ERBB3: variants seen among roughly 807,000 people sequenced by gnomAD.
ERBB3 encodes erb-b2 receptor tyrosine kinase 3, also known as receptor tyrosine-protein kinase erbB-3.
A neutral mutation model predicts 156.7 loss-of-function variants in ERBB3; 96 were observed. The ratio of observed to expected loss-of-function variants is 0.61; its 90% confidence interval spans 0.52 to 0.73. The LOEUF is 0.73. Among genes scored for constraint, ERBB3 ranks in the 30% least tolerant of loss-of-function variants. ERBB3 has a pLI of 0.00. For synonymous variants in ERBB3, 567 were observed against 632.0 expected, an observed-to-expected ratio of 0.90 and a Z score of 1.54; for missense variants, 1,406 against 1,709.4, an observed-to-expected ratio of 0.82 and a Z score of 3.13.
Position 56,080,351 on chromosome 12 carries a change from C to A in ERBB3, c.51C>A (p.Ala17=). The A allele has an allele frequency of 6.3e-7, 1 of 1,594,014 alleles. No homozygotes were observed. The change falls in exon 1 of 28, where the codon GCC becomes GCA. Residue 17 remains alanine, a synonymous_variant. Coordinates refer to ENST00000267101, the MANE Select transcript of ERBB3 (RefSeq NM_001982.4). ...LQVLGLLFSL[A]RGSEVGNSQA... ...TGCTGGGCTTGCTTTTCAGCCTGGC[C>A]CGGGGCTCCGAGGTGGGCAACTCTC...
Position 56,093,825 on chromosome 12 carries a change from T to C in ERBB3, c.1542T>C (p.Pro514=), listed in dbSNP as rs1454253828. Residue 514 remains proline (P), a synonymous_variant, in exon 13 of 28, where the codon CCT becomes CCC. Coordinates refer to ENST00000267101, the MANE Select transcript of ERBB3 (RefSeq NM_001982.4). ...CTGGGGGATGCTGGGGCCCAGGCCCTGGTCAGTGCTTGTCCTGTCGAAATT... is the reference window on the plus strand; with the variant it reads ...CTGGGGGATGCTGGGGCCCAGGCCCCGGTCAGTGCTTGTCCTGTCGAAATT... ...CSSGGCWGPG[P]GQCLSCRNYS... The C allele has an allele frequency of 1.2e-6, 2 of 1,613,698 alleles. No homozygotes were observed. Among genetic ancestry groups the C allele is most frequent in the Non-Finnish European group, 1.7e-6 (2 of 1,179,908 alleles).
intron 2 of ERBB3, among the ~76,000 whole-genome samples, chr12:56,084,278 A>C (rs1444915929): frequency 6.6e-6 from 1 of 152,284 alleles, no homozygotes; most frequent in East Asian, 1.9e-4. Context: ...GTGACACAGC[A>C]GTGTGACACA....
intron 9 of ERBB3, among the ~76,000 whole-genome samples, chr12:56,091,330 A>AACATATATATATATTTATAT (rs1565858606): frequency 2.4e-4 from 1 of 4,202 alleles, no homozygotes; most frequent in East Asian, 4.9e-3. Flanking sequence ...TATATATATA[A>AACATATATATATATTTATAT]ATAATATATA....
rs60865127 is a variant in ERBB3 at position 56,092,389 on chromosome 12, CAAAAAAAAAAAAAAAAAAA to C, written c.1110-345_1110-327del. On this transcript the variant is annotated intron_variant, in intron 9 of 27. Transcript: ENST00000267101. ...TGGGCGATAGAGCAAGACTCTGTCT[CAAAAAAAAAAAAAAAAAAA>C]AAAAAAAAAAAAGGTCTTCCTTTCC... Among the ~76,000 whole-genome samples, 11 of 42,850 alleles carry C rather than the reference CAAAAAAAAAAAAAAAAAAA, an allele frequency of 2.6e-4. No homozygotes were observed. In the Admixed American group the frequency reaches 3.1e-3, roughly 12 times the overall value. 28.1% of individuals were successfully genotyped at this position (42,850 alleles called of 152,430 possible).
chr12:56,093,731 G>T, intron 12 of ERBB3, 33 bp from the exon 13 acceptor site: 1 of 1,613,654 alleles, frequency 6.2e-7, no homozygotes, highest in South Asian at 1.1e-5. Flanking sequence ...GGAGTCCTCA[G>T]ACTCCTCTCC....
intron 2 of ERBB3, 151 bp downstream of exon 2, chr12:56,084,053 TG>T (rs1868396633): frequency 2.4e-6 from 2 of 821,312 alleles, no homozygotes; most frequent in Non-Finnish European, 4.1e-6. Context: ...ATGGGGACAG[TG>T]GCTGTCATCT....
At position 56,101,835 on chromosome 12, in the gene ERBB3, G is replaced by A; in HGVS notation, c.3809G>A (p.Gly1270Asp). ...TATATGAATCGGCAACGAGATGGAG[G>A]TGGTCCTGGGGGTGATTATGCAGCC... ...YEYMNRQRDG[G>D]GPGGDYAAMG... is the part of the protein sequence containing the mutation. The change falls in exon 28 of 28, where the codon GGT becomes GAT. Residue 1270 changes from glycine (G) to aspartate (D), a missense_variant. Transcript: ENST00000267101. 5.0e-6 allele frequency: 8 copies of A among 1,613,302 alleles called. No individual in the cohort carries two copies. The highest frequency in any genetic ancestry group is 6.8e-6 in the Non-Finnish European group (8 of 1,179,860).
Position 56,087,607 on chromosome 12 carries a change from G to A in ERBB3, c.578G>A (p.Arg193Gln), listed in dbSNP as rs561743080. ...CCCTGTCATGAGGTTTGCAAGGGGC[G>A]ATGCTGGGGTCCTGGATCAGAAGAC... The part of the protein sequence containing the change: ...CPPCHEVCKG[R>Q]CWGPGSEDCQ... The change falls in exon 5 of 28, where the codon CGA (arginine) becomes CAA (glutamine). Residue 193 changes from arginine (R) to glutamine (Q), a missense_variant. Around this residue, in one of 3 missense-constraint regions of ERBB3, gnomAD observed 979 missense variants for 1,219.6 expected, o/e 0.80. Transcript: ENST00000267101. 1.2e-5 allele frequency: 19 copies of A among 1,614,172 alleles called. No individual in the cohort carries two copies. In the East Asian group the frequency reaches 1.3e-4, roughly 11 times the overall value.
chr12:56,101,846 G>A lies in ERBB3; in HGVS notation c.3820G>A (p.Gly1274Ser). 1 of 1,613,358 alleles carries A rather than the reference G, an allele frequency of 6.2e-7. No individual in the cohort carries two copies. Among genetic ancestry groups the A allele is most frequent in the Non-Finnish European group, 8.5e-7 (1 of 1,179,858 alleles). ...NRQRDGGGPGGDYAAMGACPA... is the reference protein window; with the variant it reads ...NRQRDGGGPGSDYAAMGACPA... ...GCAACGAGATGGAGGTGGTCCTGGG[G>A]GTGATTATGCAGCCATGGGGGCCTG... The change falls in exon 28 of 28, where the codon GGT (glycine) becomes AGT (serine). Residue 1274 changes from glycine to serine, a missense_variant. Physicochemically the swap from Gly to Ser is moderately conservative, Grantham distance 56. Around this residue, in one of 3 missense-constraint regions of ERBB3, gnomAD observed 415 missense variants for 454.1 expected, o/e 0.91. Transcript: ENST00000267101.
At chr12:56,092,918 G>C in intron 10 of ERBB3, 68 bp from the exon 11 acceptor site, 1 of 1,541,182 alleles carries the variant, frequency 6.5e-7, no homozygotes, top group South Asian at 1.1e-5. Context: ...CAAGTTATAG[G>C]GGAGGAGCCA....
At chr12:56,089,092 G>T (rs1256335878) in intron 9 of ERBB3, 1 of 644,812 alleles carries the variant, frequency 1.6e-6, no homozygotes, top group South Asian at 1.5e-5. Flanking sequence ...CAAGGAACAA[G>T]GGACAGGAAC....
At chr12:56,094,237 T>C in intron 14 of ERBB3, 48 bp downstream of exon 14, 1 of 1,517,722 alleles carries the variant, frequency 6.6e-7, no homozygotes. Flanking sequence ...GAAGGGGCAA[T>C]ACTTGGAGCA....
chr12:56,080,417 C>G (rs774581725), intron 1 of ERBB3, 35 bp downstream of exon 1: 1 of 1,524,882 alleles, frequency 6.6e-7, no homozygotes, highest in South Asian at 1.2e-5. Context: ...GGCTCGGCAC[C>G]TGGGAGCCGG....
In ERBB3 at chr12:56,099,760, G is replaced by C; in HGVS notation, c.2937+15G>C. On this transcript the variant is annotated intron_variant, in intron 24 of 27. Coordinates refer to ENST00000267101, the MANE Select transcript of ERBB3 (RefSeq NM_001982.4). ...TGGTCATAAAGGTGAGTAGGGAGTA[G>C]GAGGTGCTAAGGAAATTTAGAAAAA... The C allele has an allele frequency of 6.2e-7, 1 of 1,613,232 alleles. No individual in the cohort carries two copies. Among genetic ancestry groups the C allele is most frequent in the Non-Finnish European group, 8.5e-7 (1 of 1,179,156 alleles).
intron 9 of ERBB3, chr12:56,089,094 G>A: frequency 3.1e-6 from 2 of 641,896 alleles, no homozygotes; most frequent in Middle Eastern, 2.5e-4. Context: ...AGGAACAAGG[G>A]ACAGGAACAA....
chr12:56,087,742 C>A, intron 5 of ERBB3, 53 bp from the exon 6 acceptor site: 2 of 1,590,526 alleles, frequency 1.3e-6, no homozygotes, highest in South Asian at 1.1e-5. Flanking sequence ...GAGCAGTGGC[C>A]TCAGAATTCA....
At chr12:56,087,164 A>G (rs1057102576) in intron 4 of ERBB3, among the ~76,000 whole-genome samples, 7 of 151,152 alleles carry the variant, frequency 4.6e-5, no homozygotes, top group Non-Finnish European at 1.0e-4. Context: ...ATCCCTGAGT[A>G]CTAAGCAGGG....
intron 9 of ERBB3, among the ~76,000 whole-genome samples, chr12:56,089,457 C>A (rs902491413): frequency 1.3e-5 from 2 of 152,112 alleles, no homozygotes; most frequent in Non-Finnish European, 2.9e-5. Context: ...GGATAAAAAT[C>A]TGTCTCCAGG....
chr12:56,080,637 G>GC (rs1868342956), intron 1 of ERBB3, among the ~76,000 whole-genome samples: 1 of 152,224 alleles, frequency 6.6e-6, no homozygotes. Context: ...CCCAGAAGAG[G>GC]CTGAGGCCGA....
Sources: gnomAD v4.1 joint callset for allele counts (sites outside exome capture counted in the v4.1 genomes callset) on GRCh38, gnomAD v4.1.1 for gene constraint, gnomAD v4.1.1 regional missense constraint, MANE v1.5 for transcripts, NCBI Gene and HGNC (gene_info 2026-07-23, HGNC 2026-07-21) for gene names.